The following DHRS7 variants were observed in gnomAD, a reference collection of about 807,000 sequenced individuals.
DHRS7 encodes the protein dehydrogenase/reductase SDR family member 7.
A neutral mutation model predicts 38.9 loss-of-function variants in DHRS7; 34 were observed. The observed-to-expected ratio is 0.87, with a 90% CI of 0.66 to 1.16. The LOEUF is 1.16. Among genes scored for constraint, DHRS7 ranks in the 50% most tolerant of loss-of-function variants. DHRS7 has a pLI of 0.00. For synonymous variants in DHRS7, 158 were observed against 153.1 expected, an observed-to-expected ratio of 1.03 and a Z score of -0.24; for missense variants, 421 against 407.0, an observed-to-expected ratio of 1.03 and a Z score of -0.30.
At chr14:60,150,250 T>G in intron 4 of DHRS7, 63 bp from the exon 5 acceptor site, 1 of 1,399,866 alleles carries the variant, frequency 7.1e-7, no homozygotes, top group Admixed American at 2.6e-5. Context: ...ATCTCATGAT[T>G]TATCAAAATA....
At position 60,149,292 on chromosome 14, in the gene DHRS7, A is replaced by G; in HGVS notation, c.972+61T>C. 3 of 1,539,702 alleles carry G rather than the reference A, an allele frequency of 1.9e-6. No individual in the cohort carries two copies. The East Asian group carries it at 6.8e-5, about 35-fold the overall frequency. ...CCAGAAAGTTTTTTAAACACTGGAAAATTCTGTACCTTCCTGCAAGATTGG... is the reference window on the plus strand; with the variant it reads ...CCAGAAAGTTTTTTAAACACTGGAAGATTCTGTACCTTCCTGCAAGATTGG... On this transcript the variant is annotated intron_variant, in intron 6 of 6. Coordinates refer to ENST00000557185, the MANE Select transcript of DHRS7 (RefSeq NM_016029.4).
intron 2 of DHRS7, 95 bp from the exon 3 acceptor site, chr14:60,154,160 CAACA>C: frequency 1.1e-6 from 1 of 881,482 alleles, no homozygotes; most frequent in Non-Finnish European, 1.8e-6. Flanking sequence ...CAGGACTTGG[CAACA>C]AACTCATTTC....
At chr14:60,169,134 A>AAAAAAAAAAAAAC (rs1896902220), upstream of DHRS7, 1 of 47,662 alleles carries the variant, frequency 2.1e-5, no homozygotes, top group Admixed American at 2.6e-4. Context: ...AAAAGAAACC[A>AAAAAAAAAAAAAC]AAAAAAAAAA....
intron 4 of DHRS7, among the ~76,000 whole-genome samples, chr14:60,152,134 C>A (rs1321316539): frequency 6.6e-6 from 1 of 152,236 alleles, no homozygotes; most frequent in Non-Finnish European, 1.5e-5. Flanking sequence ...GTAGCTATTG[C>A]ATCTCATGAT....
chr14:60,165,934 T>C (rs1025672598), upstream of DHRS7, among the ~76,000 whole-genome samples: 1 of 152,248 alleles, frequency 6.6e-6, no homozygotes, highest in Non-Finnish European at 1.5e-5. The surrounding 1 kb of genome is among the most constrained non-coding windows in gnomAD (Gnocchi z 4.6). Flanking sequence ...AGCCATGTGC[T>C]GTGTTGGCAC....
rs1896417622 is a variant in DHRS7 at position 60,146,798 on chromosome 14, A to T, written c.973-1785T>A. 6.6e-6 allele frequency: 1 copy of T among 152,178 alleles called. No homozygotes were observed. Among genetic ancestry groups the T allele is most frequent in the African/African-American group, 2.4e-5 (1 of 41,438 alleles). The allele number at this position is 152,178 out of a possible 1,614,324, so 9.4% of individuals were successfully genotyped here. On this transcript the variant is annotated intron_variant, in intron 6 of 6. Transcript: ENST00000557185. The surrounding 1 kb of genome is among the most constrained non-coding windows in gnomAD (Gnocchi z 4.9). ...GGATAATGAATGGACGTTAATGCTA[A>T]GTGATATAAGCAAGATACAGAAAAA...
chr14:60,154,714 T>C (rs940015191), intron 2 of DHRS7, among the ~76,000 whole-genome samples: 2 of 152,198 alleles, frequency 1.3e-5, no homozygotes, highest in Non-Finnish European at 2.9e-5. Flanking sequence ...TAAAAAGACT[T>C]CATGGGCAAA....
At chr14:60,164,835 A>T (rs1460902491) in intron 1 of DHRS7, among the ~76,000 whole-genome samples, 1 of 152,190 alleles carries the variant, frequency 6.6e-6, no homozygotes, top group Non-Finnish European at 1.5e-5. Flanking sequence ...CCTCTGAGAC[A>T]ACACCAGAAT....
In DHRS7 at chr14:60,165,025, C is replaced by T. The variant is rs77281908; in HGVS notation, c.133+152G>A. The T allele has an allele frequency of 2.1e-3, 2,064 of 964,680 alleles. 22 individuals carry two copies. In the African/African-American group the frequency reaches 0.03, roughly 14 times the overall value. The allele number at this position is 964,680 out of a possible 1,614,324, so 59.8% of individuals were successfully genotyped here. On this transcript the variant is annotated intron_variant, in intron 1 of 6. Coordinates refer to ENST00000557185, the MANE Select transcript of DHRS7 (RefSeq NM_016029.4). This position sits in a 1 kb window ranked among gnomAD's most constrained non-coding sequence, Gnocchi z 4.6. ...CCCTCGCCTCTTCCTCCCCAACCCG[C>T]AGCCCCTGCGTAAGGGGCAGCCGGG...
At chr14:60,165,730 G>T (rs1424683868), upstream of DHRS7, 1 of 848,516 alleles carries the variant, frequency 1.2e-6, no homozygotes, top group Non-Finnish European at 1.4e-6. This position sits in a 1 kb window ranked among gnomAD's most constrained non-coding sequence, Gnocchi z 4.6. Context: ...GAGACAGATA[G>T]AATCATTCTT....
upstream of DHRS7, among the ~76,000 whole-genome samples, chr14:60,166,535 C>G (rs779541447): frequency 1.3e-5 from 2 of 152,170 alleles, no homozygotes; most frequent in Non-Finnish European, 2.9e-5. Flanking sequence ...GCCTGCCAAA[C>G]TTTTGTTTTT....
intron 6 of DHRS7, chr14:60,147,264 TATAAG>T (rs1427224349): frequency 1.3e-5 from 2 of 152,142 alleles, no homozygotes; most frequent in African/African-American, 4.8e-5. Context: ...TATTTTCAGT[TATAAG>T]ATAAATAACT....
Position 60,165,091 on chromosome 14 carries a change from C to T in DHRS7, c.133+86G>A. 3 of 1,512,116 alleles carry T rather than the reference C, an allele frequency of 2.0e-6. No individual in the cohort carries two copies. Among genetic ancestry groups the T allele is most frequent in the Non-Finnish European group, 9.0e-7 (1 of 1,111,196 alleles). 93.7% of individuals were successfully genotyped at this position (1,512,116 alleles called of 1,614,324 possible). A position where few individuals can be genotyped will look rare whatever the true frequency, so the allele number is the denominator to read the frequency against. Reference sequence around the variant, plus strand: ...ACGCAACCCACAAAGGACCCGGGATCACTGCAGAACCCCCGGAGACCCGGA... The same window carrying T: ...ACGCAACCCACAAAGGACCCGGGATTACTGCAGAACCCCCGGAGACCCGGA... On this transcript the variant is annotated intron_variant, in intron 1 of 6. Coordinates refer to ENST00000557185, the MANE Select transcript of DHRS7 (RefSeq NM_016029.4). The surrounding 1 kb of genome is among the most constrained non-coding windows in gnomAD (Gnocchi z 4.6).
Position 60,165,383 on chromosome 14 carries a change from G to A in DHRS7, c.-74C>T, listed in dbSNP as rs1044708815. The A allele has an allele frequency of 5.3e-6, 8 of 1,512,562 alleles. No individual in the cohort carries two copies. In the African/African-American group the frequency reaches 1.1e-4, roughly 21 times the overall value. 93.7% of individuals were successfully genotyped at this position (1,512,562 alleles called of 1,614,324 possible). A position where few individuals can be genotyped will look rare whatever the true frequency, so the allele number is the denominator to read the frequency against. ...AGTCGCGTCGCTGCCCTGCGGGATC[G>A]CAGCGCCACCCCTTCGGCCAGCCCA... On this transcript the variant is annotated 5_prime_UTR_variant, in exon 1 of 7. Transcript: ENST00000557185. This position sits in a 1 kb window ranked among gnomAD's most constrained non-coding sequence, Gnocchi z 4.6.
intron 1 of DHRS7, among the ~76,000 whole-genome samples, chr14:60,156,609 C>T (rs560123480): frequency 6.6e-6 from 1 of 152,304 alleles, no homozygotes; most frequent in African/African-American, 2.4e-5. Context: ...GTTTTTAATT[C>T]TATTATTCTA....
Position 60,144,165 on chromosome 14 carries a change from T to C in DHRS7, c.*801A>G, listed in dbSNP as rs528808578. 2.6e-5 allele frequency: 4 copies of C among 152,368 alleles called. No individual in the cohort carries two copies. Among genetic ancestry groups the C allele is most frequent in the African/African-American group, 7.2e-5 (3 of 41,572 alleles). 9.4% of individuals were successfully genotyped at this position (152,368 alleles called of 1,614,324 possible). On this transcript the variant is annotated 3_prime_UTR_variant, in exon 7 of 7. Coordinates refer to ENST00000557185, the MANE Select transcript of DHRS7 (RefSeq NM_016029.4). ...GGTGTTTAATGAATAATAGGTGCAA[T>C]GAATCCTACCTGCTGCTTCAAATTA...
rs1896851310 is a variant in DHRS7, at chr14:60,165,380, A to C, written c.-71T>G. 1 of 1,515,586 alleles carries C rather than the reference A, an allele frequency of 6.6e-7. No individual in the cohort carries two copies. Among genetic ancestry groups the C allele is most frequent in the Non-Finnish European group, 8.8e-7 (1 of 1,135,382 alleles). 93.9% of individuals were successfully genotyped at this position (1,515,586 alleles called of 1,614,324 possible). On this transcript the variant is annotated 5_prime_UTR_variant, in exon 1 of 7. Transcript: ENST00000557185. The surrounding 1 kb of genome is among the most constrained non-coding windows in gnomAD (Gnocchi z 4.6). ...CAGAGTCGCGTCGCTGCCCTGCGGG[A>C]TCGCAGCGCCACCCCTTCGGCCAGC...
intron 6 of DHRS7, 56 bp downstream of exon 6, chr14:60,149,297 T>C: frequency 3.2e-6 from 5 of 1,553,032 alleles, no homozygotes; most frequent in Non-Finnish European, 4.4e-6. Context: ...TGGAAAATTC[T>C]GTACCTTCCT....
chr14:60,162,482 G>A lies in DHRS7; in HGVS notation c.133+2695C>T, dbSNP rs1315586093. On this transcript the variant is annotated intron_variant, in intron 1 of 6. Coordinates refer to ENST00000557185, the MANE Select transcript of DHRS7 (RefSeq NM_016029.4). The surrounding 1 kb of genome is among the most constrained non-coding windows in gnomAD (Gnocchi z 4.5). ...GGAAATGGTGGCTGCCTCGAGAGAA[G>A]CACACTAGGTAGCTAGGGCACAAGG... Among the ~76,000 whole-genome samples the A allele has an allele frequency of 6.6e-6, 1 of 152,114 alleles. No homozygotes were observed. Among genetic ancestry groups the A allele is most frequent in the African/African-American group, 2.4e-5 (1 of 41,416 alleles).
Sources: allele counts gnomAD v4.1 joint callset (sites outside exome capture counted in the v4.1 genomes callset), GRCh38; gene constraint gnomAD v4.1.1; non-coding constraint Gnocchi (gnomAD v3.1); transcripts MANE v1.5; gene names NCBI Gene and HGNC (gene_info 2026-07-23, HGNC 2026-07-21).